The following DNAAF5 variants were observed in gnomAD, a reference collection of about 807,000 sequenced individuals.
The protein encoded by DNAAF5 is HEAT repeat containing 2.
Under a neutral mutation model 75.8 loss-of-function variants are expected in DNAAF5, and 64 were observed. That is an observed-to-expected ratio of 0.84 (90% CI 0.69 to 1.04). The LOEUF is 1.04. Among genes scored for constraint, DNAAF5 ranks in the 50% least tolerant of loss-of-function variants. The pLI, the probability that DNAAF5 is intolerant of heterozygous loss-of-function variation, is 0.00. For missense variants in DNAAF5, 1,269 were observed against 1,178.5 expected (o/e 1.08, Z -1.12); for synonymous variants, 657 against 557.2 (o/e 1.18, Z -2.52).
chr7:784,004 A>T (rs1362710364), intron 12 of DNAAF5, among the ~76,000 whole-genome samples: 1 of 121,314 alleles, frequency 8.2e-6, no homozygotes, highest in Non-Finnish European at 1.7e-5. Flanking sequence ...CAAAACACAG[A>T]TGCCCTGTAC....
At chr7:753,641 GTCA>G (rs1326074628) in intron 4 of DNAAF5, among the ~76,000 whole-genome samples, 9 of 138,598 alleles carry the variant, frequency 6.5e-5, no homozygotes, top group Non-Finnish European at 9.4e-5. Context: ...GCGTATCTCT[GTCA>G]TCATATGGCG....
At chr7:774,252 C>T (rs976645447) in intron 10 of DNAAF5, 54 bp downstream of exon 10, 3 of 1,519,102 alleles carry the variant, frequency 2.0e-6, no homozygotes, top group African/African-American at 1.4e-5. Context: ...GCGCAGGCTT[C>T]CTGGCGCCCG....
At chr7:751,902 C>T (rs910685004) in intron 4 of DNAAF5, among the ~76,000 whole-genome samples, 6 of 152,120 alleles carry the variant, frequency 3.9e-5, no homozygotes, top group Admixed American at 1.3e-4. Context: ...ATCTTTTCAT[C>T]AAAGTCCCTG....
chr7:747,196 A>G (rs34880331), intron 4 of DNAAF5, among the ~76,000 whole-genome samples: 128,106 of 152,286 alleles, frequency 0.84, 54,012 homozygotes, highest in Middle Eastern at 0.91. Flanking sequence ...CTCACCACAC[A>G]CTGTTTTCCA....
intron 2 of DNAAF5, among the ~76,000 whole-genome samples, chr7:740,003 C>T (rs999230082): frequency 6.6e-6 from 1 of 152,174 alleles, no homozygotes; most frequent in African/African-American, 2.4e-5. Context: ...CCCCACGGCC[C>T]AGCCAGGGAC....
chr7:773,765 T>C (rs1452264467), intron 9 of DNAAF5, among the ~76,000 whole-genome samples: 2 of 152,082 alleles, frequency 1.3e-5, no homozygotes, highest in Non-Finnish European at 2.9e-5. Context: ...AAGTGCACCC[T>C]CGGCCCAGGG....
chr7:756,913 C>T lies in DNAAF5; in HGVS notation c.1389C>T (p.Cys463=), dbSNP rs376550852. 16 of 1,611,012 alleles carry T rather than the reference C, an allele frequency of 9.9e-6. No homozygotes were observed. The highest frequency in any genetic ancestry group is 1.3e-5 in the African/African-American group (1 of 74,940). Residue 463 remains cysteine (C), a synonymous_variant, in exon 6 of 13, where the codon TGC becomes TGT. Transcript: ENST00000297440. ...LLVLASAMRG[C]PREALQPHLA... is the part of the protein sequence containing the mutation. ...TGCTGGCCTCCGCCATGCGGGGTTG[C>T]CCCCGAGAAGCCCTCCAGCCGCACC...
At position 754,867 on chromosome 7, in the gene DNAAF5, C is replaced by A; in HGVS notation, c.1257+46C>A. On this transcript the variant is annotated intron_variant, in intron 5 of 12. Coordinates refer to ENST00000297440, the MANE Select transcript of DNAAF5 (RefSeq NM_017802.4). The surrounding 1 kb of genome is among the most constrained non-coding windows in gnomAD (Gnocchi z 4.8). ...CGTGGTCGCGGAGCTGTAACTCGAGCTTAAGATCCCGCCTCTGTGGTGTGC... is the reference window on the plus strand; with the variant it reads ...CGTGGTCGCGGAGCTGTAACTCGAGATTAAGATCCCGCCTCTGTGGTGTGC... 1 of 1,394,548 alleles carries A rather than the reference C, an allele frequency of 7.2e-7. No homozygotes were observed. The highest frequency in any genetic ancestry group is 9.9e-7 in the Non-Finnish European group (1 of 1,014,938). 86.4% of individuals were successfully genotyped at this position (1,394,548 alleles called of 1,614,324 possible).
intron 12 of DNAAF5, among the ~76,000 whole-genome samples, chr7:782,351 G>A (rs552978652): frequency 6.6e-6 from 1 of 150,792 alleles, no homozygotes; most frequent in Middle Eastern, 3.3e-3. Context: ...GCTCTTCGCG[G>A]CGTGGCCGCC....
intron 12 of DNAAF5, among the ~76,000 whole-genome samples, chr7:782,558 C>T (rs1170197838): frequency 6.8e-6 from 1 of 147,134 alleles, no homozygotes; most frequent in African/African-American, 2.6e-5. Context: ...CCTCCCGTCA[C>T]GCGGCGTCAG....
Position 785,672 on chromosome 7 carries a change from C to CG in DNAAF5, c.*21dup. On this transcript the variant is annotated 3_prime_UTR_variant, in exon 13 of 13. Transcript: ENST00000297440. The stretch of plus-strand genomic sequence containing the variant: ...ACAGTGACCACGCTGGTTTCAGCCA[C>CG]GGCACACCCTTGTCCCCACCTGAGC... 6.2e-7 allele frequency: 1 copy of CG among 1,611,294 alleles called. No homozygotes were observed. The highest frequency in any genetic ancestry group is 1.1e-5 in the South Asian group (1 of 90,992).
intron 1 of DNAAF5, 51 bp from the exon 2 acceptor site, chr7:729,612 G>C: frequency 6.4e-7 from 1 of 1,563,638 alleles, no homozygotes; most frequent in Non-Finnish European, 8.7e-7. Context: ...ACAGAGCTGG[G>C]CGAGGCGTGT....
intron 4 of DNAAF5, among the ~76,000 whole-genome samples, chr7:751,496 T>G (rs1422725002): frequency 6.6e-6 from 1 of 151,756 alleles, no homozygotes; most frequent in Non-Finnish European, 1.5e-5. Flanking sequence ...TGAGACCCTT[T>G]CTCTAAAAAT....
rs761508698 is a variant in DNAAF5, at chr7:740,404, C to T, written c.781-415C>T. ...CGGTGCACCACACTTGCTGTAGCCA[C>T]GGCTCACCAAGCACCCAGGGTGAGA... On this transcript the variant is annotated intron_variant, in intron 2 of 12. Transcript: ENST00000297440. 1.4e-4 allele frequency among the ~76,000 whole-genome samples: 21 copies of T among 152,212 alleles called. 1 individual carries two copies. The highest frequency in any genetic ancestry group is 7.8e-4 in the Admixed American group (12 of 15,290).
intron 7 of DNAAF5, among the ~76,000 whole-genome samples, chr7:763,175 C>T (rs561440639): frequency 3.4e-4 from 52 of 152,302 alleles, no homozygotes; most frequent in Non-Finnish European, 5.9e-4. Flanking sequence ...GGGCGTGTGT[C>T]TCAGCAGATG....
chr7:773,859 G>T (rs371018086), intron 9 of DNAAF5, among the ~76,000 whole-genome samples, 189 bp from the exon 10 acceptor site: 1 of 152,198 alleles, frequency 6.6e-6, no homozygotes, highest in Non-Finnish European at 1.5e-5. Context: ...CCCCGGTAGG[G>T]TTGGGCCTGG....
At chr7:755,300 CCA>C (rs1052121634) in intron 5 of DNAAF5, among the ~76,000 whole-genome samples, 1 of 152,194 alleles carries the variant, frequency 6.6e-6, no homozygotes, top group Non-Finnish European at 1.5e-5. Context: ...CACTCCCTGT[CCA>C]CACTCGGCTG....
intron 1 of DNAAF5, among the ~76,000 whole-genome samples, chr7:728,474 C>G (rs1037404186): frequency 4.6e-5 from 7 of 152,094 alleles, no homozygotes; most frequent in East Asian, 1.9e-4. Flanking sequence ...AGAGGAAGAG[C>G]TGGACTTGGG....
At chr7:784,730 G>A (rs1009205428) in intron 12 of DNAAF5, among the ~76,000 whole-genome samples, 5 of 152,192 alleles carry the variant, frequency 3.3e-5, no homozygotes, top group African/African-American at 1.2e-4. Flanking sequence ...CACTGCGGCA[G>A]GTGAATTGGC....
Sources: allele counts gnomAD v4.1 joint callset (sites outside exome capture counted in the v4.1 genomes callset), GRCh38; gene constraint gnomAD v4.1.1; non-coding constraint Gnocchi (gnomAD v3.1); transcripts MANE v1.5; gene names NCBI Gene and HGNC (gene_info 2026-07-23, HGNC 2026-07-21).